The following SCAMP2 variants were observed in gnomAD, a reference collection of about 807,000 sequenced individuals.
The protein encoded by SCAMP2 is secretory carrier membrane protein 2.
SCAMP2 carries 25 observed loss-of-function variants against 44.1 expected under a neutral mutation model. The ratio of observed to expected loss-of-function variants is 0.57; its 90% CI spans 0.41 to 0.79. SCAMP2 has a LOEUF of 0.79. Among genes scored for constraint, SCAMP2 ranks in the 30% least tolerant of loss-of-function variants. The pLI is 0.00. For missense variants in SCAMP2, 355 were observed against 411.0 expected (o/e 0.86, Z 1.18); for synonymous variants, 156 against 166.0 (o/e 0.94, Z 0.46).
chr15:74,867,482 G>T (rs544281313), intron 1 of SCAMP2, among the ~76,000 whole-genome samples: 3 of 152,342 alleles, frequency 2.0e-5, no homozygotes, highest in African/African-American at 7.2e-5. Context: ...GCTGTCTGTA[G>T]TCACAGTGAA....
chr15:74,866,523 C>A (rs1327377310), intron 1 of SCAMP2, among the ~76,000 whole-genome samples: 2 of 152,110 alleles, frequency 1.3e-5, no homozygotes, highest in African/African-American at 4.8e-5. Context: ...CCAGCCTGAC[C>A]AACGTGGTTG....
At chr15:74,848,725 T>TTC (rs1390113598) in intron 6 of SCAMP2, 24 bp from the exon 7 acceptor site, 1 of 1,543,418 alleles carries the variant, frequency 6.5e-7, no homozygotes, top group Admixed American at 1.7e-5. Context: ...GGGAAATAAG[T>TTC]CACAAGAGGG....
At chr15:74,865,359 C>A (rs528448509) in intron 1 of SCAMP2, among the ~76,000 whole-genome samples, 6 of 128,610 alleles carry the variant, frequency 4.7e-5, no homozygotes, top group African/African-American at 1.7e-4. Context: ...CCAGCCTGGG[C>A]AACAGAGCAA....
At chr15:74,872,130 AGGCCAGGCGT>A (rs1272137447) in intron 1 of SCAMP2, among the ~76,000 whole-genome samples, 2 of 151,916 alleles carry the variant, frequency 1.3e-5, no homozygotes, top group East Asian at 3.9e-4. Flanking sequence ...TCAAAAGGTC[AGGCCAGGCGT>A]GGTGGCTCAC....
intron 1 of SCAMP2, among the ~76,000 whole-genome samples, chr15:74,866,000 A>G (rs368309881): frequency 2.1e-4 from 10 of 48,352 alleles, no homozygotes; most frequent in East Asian, 7.6e-4. Context: ...GGAAGGAAGG[A>G]AGGAAGGAAG....
At chr15:74,865,561 A>G (rs76166697) in intron 1 of SCAMP2, among the ~76,000 whole-genome samples, 2,958 of 151,820 alleles carry the variant, frequency 0.019, 53 homozygotes, top group East Asian at 0.067. Flanking sequence ...AGGATTGGGA[A>G]GGTGCAGGTG....
rs751712827 is a variant in SCAMP2 at position 74,851,321 on chromosome 15, C to T, written c.472+32G>A. 1.9e-6 allele frequency: 3 copies of T among 1,608,946 alleles called. No homozygotes were observed. The South Asian group carries it at 3.3e-5, about 18-fold the overall frequency. On this transcript the variant is annotated intron_variant, in intron 5 of 8. Coordinates refer to ENST00000268099, the MANE Select transcript of SCAMP2 (RefSeq NM_005697.5). ...GGCTCTCAAGTCACACCCAATTCGC[C>T]CTTGCGCTTGGAAGGCAGGAGTGGG...
At chr15:74,855,507 G>A (rs1185225502) in intron 1 of SCAMP2, among the ~76,000 whole-genome samples, 14 of 151,960 alleles carry the variant, frequency 9.2e-5, no homozygotes, top group African/African-American at 2.9e-4. Context: ...ACCTGAGGTC[G>A]GGAGCTCAAG....
intron 1 of SCAMP2, among the ~76,000 whole-genome samples, chr15:74,855,651 G>C (rs1221585248): frequency 6.6e-6 from 1 of 151,100 alleles, no homozygotes; most frequent in African/African-American, 2.4e-5. Flanking sequence ...GGGAGGCAGA[G>C]GTTGCAGTGA....
intron 7 of SCAMP2, among the ~76,000 whole-genome samples, chr15:74,846,316 A>G (rs949024187): frequency 4.0e-5 from 6 of 151,354 alleles, no homozygotes; most frequent in East Asian, 2.0e-4. Flanking sequence ...GTGGTCATAC[A>G]TGCCTATGCT....
intron 1 of SCAMP2, among the ~76,000 whole-genome samples, chr15:74,862,366 C>G (rs1227611978): frequency 1.3e-5 from 2 of 149,506 alleles, no homozygotes; most frequent in African/African-American, 4.9e-5. Flanking sequence ...CACTTGAGAT[C>G]AGGAGTTCAA....
At chr15:74,851,766 G>A (rs1056453076) in intron 4 of SCAMP2, 6 of 473,128 alleles carry the variant, frequency 1.3e-5, no homozygotes, top group African/African-American at 1.2e-4. Flanking sequence ...GCCCATAAGT[G>A]TGAGAACTCA....
chr15:74,854,762 C>G, intron 1 of SCAMP2, 113 bp from the exon 2 acceptor site: 1 of 865,116 alleles, frequency 1.2e-6, no homozygotes, highest in Non-Finnish European at 1.8e-6. Flanking sequence ...CCTCCCGGGA[C>G]CCTGAGAAGC....
At chr15:74,873,048 T>C in intron 1 of SCAMP2, 151 bp downstream of exon 1, 1 of 643,032 alleles carries the variant, frequency 1.6e-6, no homozygotes, top group Non-Finnish European at 2.4e-6. Flanking sequence ...CCCTCACGCG[T>C]TACGATAGGC....
chr15:74,851,080 G>A (rs2064432394), intron 5 of SCAMP2, among the ~76,000 whole-genome samples: 1 of 152,170 alleles, frequency 6.6e-6, no homozygotes, highest in Non-Finnish European at 1.5e-5. Flanking sequence ...CACCTAAGGA[G>A]GGCCTTTTAG....
At chr15:74,855,093 CCT>C (rs1319151092) in intron 1 of SCAMP2, among the ~76,000 whole-genome samples, 3 of 149,344 alleles carry the variant, frequency 2.0e-5, no homozygotes, top group Non-Finnish European at 3.0e-5. Flanking sequence ...TTCATTTATT[CCT>C]CTTTTTTTAT....
Position 74,851,856 on chromosome 15 carries a change from G to T in SCAMP2, c.343+213C>A, listed in dbSNP as rs1027244873. 5 of 457,916 alleles carry T rather than the reference G, an allele frequency of 1.1e-5. No individual in the cohort carries two copies. In the South Asian group the frequency reaches 2.5e-4, roughly 22 times the overall value. The allele number at this position is 457,916 out of a possible 1,614,324, so 28.4% of individuals were successfully genotyped here. A position where few individuals can be genotyped will look rare whatever the true frequency, so the allele number is the denominator to read the frequency against. ...ATCAAGGAATTTGAGAGCTAGGAAG[G>T]AGTGCAGAAGTAATCTACAGCCATT... On this transcript the variant is annotated intron_variant, in intron 4 of 8. Coordinates refer to ENST00000268099, the MANE Select transcript of SCAMP2 (RefSeq NM_005697.5).
At chr15:74,850,482 A>C in intron 6 of SCAMP2, 32 bp downstream of exon 6, 1 of 1,606,826 alleles carries the variant, frequency 6.2e-7, no homozygotes, top group South Asian at 1.1e-5. Flanking sequence ...TGCCAGCCAT[A>C]AAGTCTCACC....
chr15:74,863,876 C>A (rs2064525036), intron 1 of SCAMP2, among the ~76,000 whole-genome samples: 1 of 152,060 alleles, frequency 6.6e-6, no homozygotes, highest in Non-Finnish European at 1.5e-5. Flanking sequence ...AGGGCAGACA[C>A]AGGGTGAGAC....
Sources: gnomAD v4.1 joint callset for allele counts (sites outside exome capture counted in the v4.1 genomes callset) on GRCh38, gnomAD v4.1.1 for gene constraint, MANE v1.5 for transcripts, NCBI Gene and HGNC (gene_info 2026-07-23, HGNC 2026-07-21) for gene names.